The following TFAP2C variants were observed in gnomAD, a reference collection of about 807,000 sequenced individuals.
The protein encoded by TFAP2C is transcription factor AP-2 gamma.
In TFAP2C, 9 loss-of-function variants were observed where a neutral mutation model predicts 42.9. The ratio of observed to expected loss-of-function variants is 0.21; its 90% CI spans 0.13 to 0.37. TFAP2C has a LOEUF of 0.37. Ranked by LOEUF, TFAP2C falls within the 10% of genes least tolerant of loss-of-function variation. The pLI, the probability that TFAP2C is intolerant of heterozygous loss-of-function variation, is 1.00. For synonymous variants in TFAP2C, 264 were observed against 256.0 expected, an observed-to-expected ratio of 1.03 and a Z score of -0.30; for missense variants, 462 against 591.7, an observed-to-expected ratio of 0.78 and a Z score of 2.27.
At chr20:56,634,079 AT>A (rs1987543419) in intron 4 of TFAP2C, 70 bp from the exon 5 acceptor site, 5 of 1,038,772 alleles carry the variant, frequency 4.8e-6, no homozygotes, top group African/African-American at 1.6e-5. Context: ...GGAGTTTAGA[AT>A]TTTTAAAGTG....
intron 4 of TFAP2C, among the ~76,000 whole-genome samples, chr20:56,633,868 G>A (rs1769402330): frequency 6.6e-6 from 1 of 152,078 alleles, no homozygotes; most frequent in South Asian, 2.1e-4. Flanking sequence ...GTTTTTGTGG[G>A]GCCGTTGTAG....
chr20:56,633,465 C>G lies in TFAP2C; in HGVS notation c.699C>G (p.Leu233=). The G allele has an allele frequency of 6.2e-7, 1 of 1,614,134 alleles. No individual in the cohort carries two copies. ...GCTCAGTCCCTGGAAGATTGTCGCT[C>G]CTCAGCTCTACGTCTAAATACAAAG... The part of the protein sequence containing the change: ...VFCSVPGRLS[L]LSSTSKYKVT... Residue 233 remains leucine (L), a synonymous_variant, in exon 4 of 7, where the codon CTC becomes CTG. Coordinates refer to ENST00000201031, the MANE Select transcript of TFAP2C (RefSeq NM_003222.4).
At position 56,638,707 on chromosome 20, in the gene TFAP2C, G is replaced by A. The variant is rs1037962985; in HGVS notation, c.*694G>A. On this transcript the variant is annotated 3_prime_UTR_variant, in exon 7 of 7. Transcript: ENST00000201031. ...ACTTTGAAAGTTAACTCTTCAAATG[G>A]GAGACTCTTTGAAATGACATGTTCC... 1.3e-5 allele frequency: 2 copies of A among 149,488 alleles called. No individual in the cohort carries two copies. The highest frequency in any genetic ancestry group is 5.0e-5 in the African/African-American group (2 of 40,278). 9.3% of individuals were successfully genotyped at this position (149,488 alleles called of 1,614,324 possible).
Position 56,629,420 on chromosome 20 carries a change from G to A in TFAP2C, c.-125G>A, listed in dbSNP as rs1200902325. 2 of 820,046 alleles carry A rather than the reference G, an allele frequency of 2.4e-6. No homozygotes were observed. Among genetic ancestry groups the A allele is most frequent in the African/African-American group, 3.5e-5 (2 of 56,710 alleles). 50.8% of individuals were successfully genotyped at this position (820,046 alleles called of 1,614,324 possible). On this transcript the variant is annotated 5_prime_UTR_variant, in exon 1 of 7. Coordinates refer to ENST00000201031, the MANE Select transcript of TFAP2C (RefSeq NM_003222.4). This position sits in a 1 kb window ranked among gnomAD's most constrained non-coding sequence, Gnocchi z 5.9. Reference sequence around the variant, plus strand: ...GCGTGTCCAGTGACCCGGACAGCAAGGCCCGCGCGCGGCGGGGGCGGCGGC... The same window carrying A: ...GCGTGTCCAGTGACCCGGACAGCAAAGCCCGCGCGCGGCGGGGGCGGCGGC...
At chr20:56,633,194 T>C (rs548617048) in intron 3 of TFAP2C, among the ~76,000 whole-genome samples, 159 bp from the exon 4 acceptor site, 1 of 151,830 alleles carries the variant, frequency 6.6e-6, no homozygotes, top group Admixed American at 6.5e-5. Flanking sequence ...GAGACTCTTA[T>C]TATTTTTTTT....
At position 56,631,640 on chromosome 20, in the gene TFAP2C, G is replaced by T. The variant is rs546931242; in HGVS notation, c.484G>T (p.Ala162Ser). Reference sequence around the variant, plus strand: ...ACACGCCCTGGATGCCGCGGGCCTGGCCGAGAACCTGGGGCTCCACGACAT... The same window carrying T: ...ACACGCCCTGGATGCCGCGGGCCTGTCCGAGAACCTGGGGCTCCACGACAT... ...HAHALDAAGL[A>S]ENLGLHDMPH... The change falls in exon 2 of 7, where the codon GCC (alanine) becomes TCC (serine). Residue 162 changes from alanine to serine, a missense_variant. Ala to Ser is a moderately conservative substitution (Grantham distance 99, BLOSUM62 1). Around this residue, in one of 5 missense-constraint regions of TFAP2C, gnomAD observed 271 missense variants for 269.7 expected, o/e 1.00. Coordinates refer to ENST00000201031, the MANE Select transcript of TFAP2C (RefSeq NM_003222.4). The surrounding 1 kb of genome is among the most constrained non-coding windows in gnomAD (Gnocchi z 6.1). 1.2e-4 allele frequency: 196 copies of T among 1,579,666 alleles called. No individual in the cohort carries two copies. Among genetic ancestry groups the T allele is most frequent in the Admixed American group, 1.8e-4 (10 of 57,000 alleles).
chr20:56,636,033 T>C (rs1429248289), intron 5 of TFAP2C, among the ~76,000 whole-genome samples: 1 of 152,210 alleles, frequency 6.6e-6, no homozygotes, highest in East Asian at 1.9e-4. Context: ...ATACAGATTC[T>C]GAACCCACGG....
Position 56,631,619 on chromosome 20 carries a change from G to T in TFAP2C, c.463G>T (p.Ala155Ser), listed in dbSNP as rs768462459. The T allele has an allele frequency of 7.6e-6, 12 of 1,570,652 alleles. No homozygotes were observed. The highest frequency in any genetic ancestry group is 9.4e-6 in the Non-Finnish European group (11 of 1,165,334). ...CGACCTGCTGCTGCCCCACGCACAC[G>T]CCCTGGATGCCGCGGGCCTGGCCGA... ...RSDLLLPHAH[A>S]LDAAGLAENL... The change falls in exon 2 of 7, where the codon GCC becomes TCC. Residue 155 changes from alanine to serine, a missense_variant. Ala to Ser is a moderately conservative substitution (Grantham distance 99). Transcript: ENST00000201031. This position sits in a 1 kb window ranked among gnomAD's most constrained non-coding sequence, Gnocchi z 6.1.
rs1218088913 is a variant in TFAP2C at position 56,631,261 on chromosome 20, C to G, written c.105C>G (p.Ala35=). The G allele has an allele frequency of 1.9e-6, 3 of 1,587,902 alleles. No individual in the cohort carries two copies. Among genetic ancestry groups the G allele is most frequent in the South Asian group, 1.1e-5 (1 of 87,832 alleles). ...CGCGGGTCCCCCACCTCTCCTCCGCCGGGCAGCACCTCTACAGCCCCGCGC... is the reference window on the plus strand; with the variant it reads ...CGCGGGTCCCCCACCTCTCCTCCGCGGGGCAGCACCTCTACAGCCCCGCGC... ...GNPRVPHLSS[A]GQHLYSPAPP... Residue 35 remains alanine, a synonymous_variant, in exon 2 of 7, where the codon GCC becomes GCG. Transcript: ENST00000201031. This position sits in a 1 kb window ranked among gnomAD's most constrained non-coding sequence, Gnocchi z 6.1.
Position 56,630,274 on chromosome 20 carries a change from A to G in TFAP2C, c.48+682A>G. On this transcript the variant is annotated intron_variant, in intron 1 of 6. Transcript: ENST00000201031. The surrounding 1 kb of genome is among the most constrained non-coding windows in gnomAD (Gnocchi z 5.1). Reference sequence around the variant, plus strand: ...CGGGAGCGCGGAGCTCGGGCTACGGACTCGCGGGAGTTCACTGCGCCTCCG... The same window carrying G: ...CGGGAGCGCGGAGCTCGGGCTACGGGCTCGCGGGAGTTCACTGCGCCTCCG... 1 of 336,442 alleles carries G rather than the reference A, an allele frequency of 3.0e-6. No individual in the cohort carries two copies. The highest frequency in any genetic ancestry group is 2.1e-5 in the South Asian group (1 of 47,974). The allele number at this position is 336,442 out of a possible 1,614,324, so 20.8% of individuals were successfully genotyped here. A position where few individuals can be genotyped will look rare whatever the true frequency, so the allele number is the denominator to read the frequency against.
Position 56,631,909 on chromosome 20 carries a change from A to G in TFAP2C, c.586+53A>G. 1 of 1,605,070 alleles carries G rather than the reference A, an allele frequency of 6.2e-7. No homozygotes were observed. The highest frequency in any genetic ancestry group is 8.5e-7 in the Non-Finnish European group (1 of 1,172,004). Reference sequence around the variant, plus strand: ...TCTGGTCACACGATCTGGGCTTGTGAAGTTGACTGGCAAGGTTGGGGGTAT... The same window carrying G: ...TCTGGTCACACGATCTGGGCTTGTGGAGTTGACTGGCAAGGTTGGGGGTAT... On this transcript the variant is annotated intron_variant, in intron 3 of 6. Coordinates refer to ENST00000201031, the MANE Select transcript of TFAP2C (RefSeq NM_003222.4). This position sits in a 1 kb window ranked among gnomAD's most constrained non-coding sequence, Gnocchi z 6.1.
intron 3 of TFAP2C, among the ~76,000 whole-genome samples, chr20:56,632,524 T>C (rs556140311): frequency 9.2e-5 from 14 of 152,216 alleles, no homozygotes; most frequent in Admixed American, 8.5e-4. Flanking sequence ...TAGGCCTAAA[T>C]TGAAGGTAGT....
chr20:56,635,693 G>T (rs1000783855), intron 5 of TFAP2C, among the ~76,000 whole-genome samples: 2 of 152,058 alleles, frequency 1.3e-5, no homozygotes, highest in Non-Finnish European at 2.9e-5. Context: ...GAAAACATGG[G>T]TATGTTTGAT....
Position 56,631,372 on chromosome 20 carries a change from G to C in TFAP2C, c.216G>C (p.Ser72=). The C allele has an allele frequency of 6.2e-7, 1 of 1,611,288 alleles. No homozygotes were observed. Among genetic ancestry groups the C allele is most frequent in the Non-Finnish European group, 8.5e-7 (1 of 1,179,168 alleles). The change falls in exon 2 of 7, where the codon TCG becomes TCC. Residue 72 remains serine (S), a synonymous_variant. Transcript: ENST00000201031. This position sits in a 1 kb window ranked among gnomAD's most constrained non-coding sequence, Gnocchi z 6.1. ...PPYQQLAYSQ[S]ADPYSHLGEA... is the part of the protein sequence containing the mutation. ...ACCAGCAGCTGGCCTACTCCCAGTCGGCCGACCCCTACTCGCATCTGGGGG... is the reference window on the plus strand; with the variant it reads ...ACCAGCAGCTGGCCTACTCCCAGTCCGCCGACCCCTACTCGCATCTGGGGG...
intron 4 of TFAP2C, 70 bp from the exon 5 acceptor site, chr20:56,634,080 T>C (rs2146448089): frequency 9.6e-7 from 1 of 1,042,752 alleles, no homozygotes; most frequent in Non-Finnish European, 1.5e-6. Flanking sequence ...GAGTTTAGAA[T>C]TTTTAAAGTG....
intron 6 of TFAP2C, 116 bp from the exon 7 acceptor site, chr20:56,637,612 C>A: frequency 1.1e-6 from 1 of 873,002 alleles, no homozygotes; most frequent in Non-Finnish European, 1.8e-6. Flanking sequence ...TCTCCTTCCT[C>A]GGGTTGAAGC....
intron 3 of TFAP2C, among the ~76,000 whole-genome samples, 156 bp from the exon 4 acceptor site, chr20:56,633,196 AT>A (rs995602140): frequency 2.0e-3 from 289 of 147,314 alleles, no homozygotes; most frequent in African/African-American, 3.2e-3. Context: ...GACTCTTATT[AT>A]TTTTTTTTTT....
Position 56,631,389 on chromosome 20 carries a change from A to G in TFAP2C, c.233A>G (p.His78Arg). 3 of 1,610,186 alleles carry G rather than the reference A, an allele frequency of 1.9e-6. No homozygotes were observed. The highest frequency in any genetic ancestry group is 8.5e-7 in the Non-Finnish European group (1 of 1,178,864). ...TCCCAGTCGGCCGACCCCTACTCGC[A>G]TCTGGGGGAAGCGTACGCCGCCGCC... ...AYSQSADPYS[H>R]LGEAYAAAIN... is the part of the protein sequence containing the mutation. The change falls in exon 2 of 7, where the codon CAT (histidine) becomes CGT (arginine). Residue 78 changes from histidine (H) to arginine (R), a missense_variant. This residue lies in a region of TFAP2C where 271 missense variants were observed against 269.7 expected (regional missense o/e 1.00). Coordinates refer to ENST00000201031, the MANE Select transcript of TFAP2C (RefSeq NM_003222.4). This position sits in a 1 kb window ranked among gnomAD's most constrained non-coding sequence, Gnocchi z 6.1.
rs768553195 is a variant in TFAP2C, at chr20:56,631,405, C to T, written c.249C>T (p.Tyr83=). 205 of 1,606,196 alleles carry T rather than the reference C, an allele frequency of 1.3e-4. No individual in the cohort carries two copies. Among genetic ancestry groups the T allele is most frequent in the Non-Finnish European group, 1.7e-4 (202 of 1,177,418 alleles). The change falls in exon 2 of 7, where the codon TAC becomes TAT. Residue 83 remains tyrosine (Y), a synonymous_variant. Transcript: ENST00000201031. This position sits in a 1 kb window ranked among gnomAD's most constrained non-coding sequence, Gnocchi z 6.1. The stretch of plus-strand genomic sequence containing the variant: ...CCTACTCGCATCTGGGGGAAGCGTA[C>T]GCCGCCGCCATCAACCCCCTGCACC... ...ADPYSHLGEA[Y]AAAINPLHQP... is the part of the protein sequence containing the mutation.
Sources: allele counts gnomAD v4.1 joint callset (sites outside exome capture counted in the v4.1 genomes callset), GRCh38; gene constraint gnomAD v4.1.1; regional missense constraint gnomAD v4.1.1; non-coding constraint Gnocchi (gnomAD v3.1); transcripts MANE v1.5; gene names NCBI Gene and HGNC (gene_info 2026-07-23, HGNC 2026-07-21).